TET2: variants seen among roughly 807,000 people sequenced by gnomAD.
The protein encoded by TET2 is methylcytosine dioxygenase TET2.
In TET2, 299 loss-of-function variants were observed where a neutral mutation model predicts 142.9. The ratio of observed to expected loss-of-function variants is 2.09; its 90% CI spans 1.90 to 2.30. The LOEUF (loss-of-function observed/expected upper bound fraction) is 2.30, where lower values mean the gene tolerates loss of function less well. TET2 is among the 30% of genes most tolerant of loss of function. The pLI is 0.00. For missense variants in TET2, 2,418 were observed against 2,378.0 expected (o/e 1.02, Z -0.35); for synonymous variants, 819 against 849.0 (o/e 0.96, Z 0.61).
At chr4:105,153,263 T>G (rs999873475) in intron 1 of TET2, among the ~76,000 whole-genome samples, 1 of 152,232 alleles carries the variant, frequency 6.6e-6, no homozygotes. Context: ...ATACTGACAT[T>G]GATGTGGCCT....
At chr4:105,147,493 C>T (rs1723081178) in intron 1 of TET2, 1 of 152,304 alleles carries the variant, frequency 6.6e-6, no homozygotes, top group Admixed American at 6.5e-5. Context: ...TTGTGTCTGC[C>T]TCCTCCTACC....
At chr4:105,181,849 C>A (rs1725139341) in intron 1 of TET2, among the ~76,000 whole-genome samples, 1 of 152,044 alleles carries the variant, frequency 6.6e-6, no homozygotes, top group South Asian at 2.1e-4. Flanking sequence ...TACCCTCCAA[C>A]CTTAAGTATG....
At chr4:105,163,798 G>A (rs1437753390) in intron 1 of TET2, among the ~76,000 whole-genome samples, 8 of 141,010 alleles carry the variant, frequency 5.7e-5, no homozygotes, top group Non-Finnish European at 1.2e-4. Flanking sequence ...TTTGGAGCTC[G>A]AAAGTTTCGA....
At position 105,235,734 on chromosome 4, in the gene TET2, A is replaced by C. The variant is rs1223259761; in HGVS notation, c.1792A>C (p.Asn598His). Residue 598 changes from asparagine to histidine, a missense_variant, in exon 3 of 11, where the codon AAT becomes CAT. Asn to His is a moderately conservative substitution (Grantham distance 68). Coordinates refer to ENST00000380013, the MANE Select transcript of TET2 (RefSeq NM_001127208.3). Reference protein sequence around the residue: ...SILQYQPNLSNQMTSKQYTGN... With the variant: ...SILQYQPNLSHQMTSKQYTGN... ...TCTTCAGTATCAACCCAATCTCTCC[A>C]ATCAAATGACCTCCAAACAATACAC... is the stretch of plus-strand genomic sequence containing the variant. 1.9e-6 allele frequency: 3 copies of C among 1,614,154 alleles called. No homozygotes were observed. Among genetic ancestry groups the C allele is most frequent in the Non-Finnish European group, 1.7e-6 (2 of 1,180,014 alleles).
intron 1 of TET2, among the ~76,000 whole-genome samples, chr4:105,183,106 T>C (rs938261976): frequency 6.6e-6 from 1 of 152,146 alleles, no homozygotes. Flanking sequence ...AAAAAGCACT[T>C]AAAGTCTACC....
At chr4:105,188,034 A>G (rs1367467204) in intron 1 of TET2, among the ~76,000 whole-genome samples, 2 of 152,212 alleles carry the variant, frequency 1.3e-5, no homozygotes, top group Non-Finnish European at 2.9e-5. Context: ...TTGAAAACAT[A>G]TGCCCATACA....
chr4:105,165,531 T>C (rs1291281760), intron 1 of TET2, among the ~76,000 whole-genome samples: 3 of 152,206 alleles, frequency 2.0e-5, no homozygotes, highest in Non-Finnish European at 2.9e-5. Context: ...AAAAATACAT[T>C]ATTTATGTGT....
In TET2 at chr4:105,279,632, A is replaced by G. The variant is rs1205733844; in HGVS notation, c.*3113A>G. On this transcript the variant is annotated 3_prime_UTR_variant, in exon 11 of 11. Transcript: ENST00000380013. ...CTATGCTTTTTTAAAAACTAGTTTC[A>G]TTTCATTTTCATGAGATGTTTGGTT... 1 of 231,546 alleles carries G rather than the reference A, an allele frequency of 4.3e-6. No individual in the cohort carries two copies. The highest frequency in any genetic ancestry group is 2.2e-5 in the African/African-American group (1 of 45,256). 14.3% of individuals were successfully genotyped at this position (231,546 alleles called of 1,614,324 possible).
intron 1 of TET2, among the ~76,000 whole-genome samples, chr4:105,188,687 C>T (rs763218904): frequency 1.3e-5 from 2 of 152,106 alleles, no homozygotes; most frequent in Non-Finnish European, 2.9e-5. Context: ...GAATAAAGTA[C>T]AGACACATGC....
chr4:105,272,587 CA>C lies in TET2; in HGVS notation c.4208del (p.Asn1403IlefsTer45), dbSNP rs1560571345. ...AGGTATGCACTCTCACTAGAGAAGA[CA>C]ATCGAGAATTTGGAGGAAAACCTGA... ...TLVCTLTRED[N>X]REFGGKPEDE... is the part of the protein sequence containing the mutation. On this transcript the variant is annotated frameshift_variant, in exon 10 of 11. Transcript: ENST00000380013. LOFTEE classifies it high-confidence loss of function. 6.5e-7 allele frequency: 1 copy of C among 1,542,672 alleles called. No individual in the cohort carries two copies. The highest frequency in any genetic ancestry group is 1.4e-5 in the African/African-American group (1 of 72,774).
intron 1 of TET2, among the ~76,000 whole-genome samples, chr4:105,166,360 T>G (rs1159796411): frequency 6.6e-6 from 1 of 152,140 alleles, no homozygotes; most frequent in Non-Finnish European, 1.5e-5. Flanking sequence ...CAATTTTTCT[T>G]GAAAATTTTA....
At chr4:105,238,062 TG>T (rs1417807846) in intron 3 of TET2, 1 of 417,092 alleles carries the variant, frequency 2.4e-6, no homozygotes, top group Non-Finnish European at 3.6e-6. Flanking sequence ...AAGGACTTTT[TG>T]GTTTCTCACT....
intron 9 of TET2, among the ~76,000 whole-genome samples, chr4:105,270,663 A>T (rs544262436): frequency 1.8e-5 from 2 of 109,990 alleles, no homozygotes; most frequent in Non-Finnish European, 3.7e-5. Context: ...TGAGGGGAAA[A>T]TAGATACATG....
chr4:105,151,220 C>A (rs1723282653), intron 1 of TET2, among the ~76,000 whole-genome samples: 1 of 152,062 alleles, frequency 6.6e-6, no homozygotes, highest in Non-Finnish European at 1.5e-5. Flanking sequence ...ACTCAGGAGA[C>A]TGAGATAGGA....
chr4:105,168,522 C>A (rs1296473319), intron 1 of TET2, among the ~76,000 whole-genome samples: 1 of 152,076 alleles, frequency 6.6e-6, no homozygotes, highest in African/African-American at 2.4e-5. Context: ...AATTCCCTAA[C>A]CATTCTATCT....
intron 2 of TET2, among the ~76,000 whole-genome samples, chr4:105,227,375 C>A (rs977391003): frequency 7.2e-5 from 11 of 152,164 alleles, no homozygotes; most frequent in African/African-American, 2.7e-4. Flanking sequence ...ACATTGCCAT[C>A]CTCTTGTAAA....
intron 1 of TET2, among the ~76,000 whole-genome samples, chr4:105,188,993 CAT>C (rs1250990950): frequency 6.6e-6 from 1 of 151,908 alleles, no homozygotes; most frequent in African/African-American, 2.4e-5. Context: ...CCCACTGACT[CAT>C]ATACTTTACA....
chr4:105,218,332 T>G (rs1727614490), intron 2 of TET2, among the ~76,000 whole-genome samples: 1 of 152,122 alleles, frequency 6.6e-6, no homozygotes, highest in African/African-American at 2.4e-5. Context: ...CTCTTTGTCC[T>G]GAACAGATCA....
chr4:105,249,617 C>G (rs1458944230), intron 6 of TET2, among the ~76,000 whole-genome samples: 2 of 152,096 alleles, frequency 1.3e-5, no homozygotes, highest in Non-Finnish European at 1.5e-5. Flanking sequence ...ATGTTATTGT[C>G]TTTTTAATTG....
Sources: allele counts gnomAD v4.1 joint callset (sites outside exome capture counted in the v4.1 genomes callset), GRCh38; gene constraint gnomAD v4.1.1; transcripts MANE v1.5; gene names NCBI Gene and HGNC (gene_info 2026-07-23, HGNC 2026-07-21).